The following AP3B1 variants were observed in gnomAD, a reference collection of about 807,000 sequenced individuals.
AP3B1 encodes adaptor related protein complex 3 subunit beta 1, also known as AP-3 complex subunit beta-1.
A neutral mutation model predicts 132.5 loss-of-function variants in AP3B1; 61 were observed. The observed-to-expected ratio is 0.46, with a 90% CI of 0.37 to 0.57. AP3B1 has a LOEUF of 0.57. Ranked by LOEUF, AP3B1 falls within the 20% of genes least tolerant of loss-of-function variation. AP3B1 has a pLI of 0.00. For missense variants in AP3B1, 1,120 were observed against 1,289.4 expected (o/e 0.87, Z 2.01); for synonymous variants, 388 against 438.3 (o/e 0.89, Z 1.43).
At chr5:78,109,895 A>C (rs1190953398) in intron 20 of AP3B1, among the ~76,000 whole-genome samples, 1 of 152,150 alleles carries the variant, frequency 6.6e-6, no homozygotes, top group East Asian at 1.9e-4. Flanking sequence ...TCAATTTCTT[A>C]TGATGTATGT....
chr5:78,134,001 A>T (rs1752792499), intron 15 of AP3B1, among the ~76,000 whole-genome samples: 1 of 151,934 alleles, frequency 6.6e-6, no homozygotes, highest in Non-Finnish European at 1.5e-5. Context: ...AATACAAAAA[A>T]TTAGCCGGGC....
chr5:78,110,565 T>G (rs540591354), intron 19 of AP3B1, among the ~76,000 whole-genome samples: 1 of 152,000 alleles, frequency 6.6e-6, no homozygotes, highest in African/African-American at 2.4e-5. Context: ...CTAAACAATA[T>G]AATCAAAAGC....
chr5:78,247,462 T>C (rs936766783), intron 2 of AP3B1, among the ~76,000 whole-genome samples: 10 of 151,366 alleles, frequency 6.6e-5, no homozygotes, highest in African/African-American at 2.4e-4. Context: ...AGCACTGACG[T>C]CTCTATAATT....
At chr5:78,015,885 A>C (rs979967664) in intron 25 of AP3B1, 2 of 252,718 alleles carry the variant, frequency 7.9e-6, no homozygotes, top group Admixed American at 5.2e-5. Context: ...TAAACTAGTA[A>C]GCTTTTACTT....
At chr5:78,217,313 T>C (rs1474420655) in intron 6 of AP3B1, among the ~76,000 whole-genome samples, 1 of 152,274 alleles carries the variant, frequency 6.6e-6, no homozygotes, top group South Asian at 2.1e-4. Flanking sequence ...GCTCAGAATA[T>C]AGACTCGCTA....
chr5:78,286,412 C>T (rs936462035), intron 1 of AP3B1, among the ~76,000 whole-genome samples: 4 of 152,162 alleles, frequency 2.6e-5, no homozygotes. Flanking sequence ...AAAGAGGCTT[C>T]ACAGTCTTCC....
intron 21 of AP3B1, among the ~76,000 whole-genome samples, chr5:78,090,731 G>A (rs981133742): frequency 6.6e-5 from 10 of 152,266 alleles, no homozygotes; most frequent in African/African-American, 2.4e-4. Context: ...TTACAATGTG[G>A]TCAAGTTTTA....
intron 9 of AP3B1, 53 bp from the exon 10 acceptor site, chr5:78,175,891 T>C (rs1293829641): frequency 3.8e-6 from 5 of 1,300,526 alleles, no homozygotes; most frequent in Non-Finnish European, 4.5e-6. Flanking sequence ...GAAACATCTT[T>C]GAGTAAGCAC....
chr5:78,001,604 A>C (rs934826146), downstream of AP3B1: 2 of 152,238 alleles, frequency 1.3e-5, no homozygotes, highest in African/African-American at 4.8e-5. Context: ...TGAAAATTTA[A>C]ATAATTTTTC....
chr5:78,065,503 C>A (rs1469744513), intron 22 of AP3B1, among the ~76,000 whole-genome samples: 3 of 152,122 alleles, frequency 2.0e-5, no homozygotes, highest in African/African-American at 7.2e-5. Context: ...GCGGTTTGGA[C>A]CCCGGAGGAA....
In AP3B1 at chr5:78,047,316, C is replaced by A. The variant is rs1236233817; in HGVS notation, c.2578-8042G>T. Among the ~76,000 whole-genome samples the A allele has an allele frequency of 1.3e-4, 20 of 152,204 alleles. 1 individual carries two copies. Among genetic ancestry groups the A allele is most frequent in the Admixed American group, 1.2e-3 (19 of 15,288 alleles). ...TGGTTGAACTAATTTACACTCCCACCAACAGTGTAAAAGTGTTCCTATTTC... is the reference window on the plus strand; with the variant it reads ...TGGTTGAACTAATTTACACTCCCACAAACAGTGTAAAAGTGTTCCTATTTC... On this transcript the variant is annotated intron_variant, in intron 22 of 26. Coordinates refer to ENST00000255194, the MANE Select transcript of AP3B1 (RefSeq NM_003664.5).
At chr5:78,122,241 T>C (rs982488652) in intron 17 of AP3B1, among the ~76,000 whole-genome samples, 1 of 152,232 alleles carries the variant, frequency 6.6e-6, no homozygotes, top group Non-Finnish European at 1.5e-5. Flanking sequence ...GCCAATATCA[T>C]ACAGCATGGG....
intron 22 of AP3B1, among the ~76,000 whole-genome samples, chr5:78,059,838 AC>A (rs1480675111): frequency 1.3e-5 from 2 of 152,128 alleles, no homozygotes; most frequent in African/African-American, 4.8e-5. Context: ...CTCCCTCTTT[AC>A]CCCCTTTATT....
chr5:78,084,414 C>T (rs1480881201), intron 22 of AP3B1, among the ~76,000 whole-genome samples: 1 of 149,580 alleles, frequency 6.7e-6, no homozygotes, highest in African/African-American at 2.5e-5. Context: ...GTCCCAGCTA[C>T]TCAGGAGGCT....
chr5:78,086,516 C>T (rs1423263726), intron 22 of AP3B1, among the ~76,000 whole-genome samples: 1 of 152,148 alleles, frequency 6.6e-6, no homozygotes, highest in African/African-American at 2.4e-5. Context: ...AGAACTCTGA[C>T]TTGAACACAG....
intron 2 of AP3B1, among the ~76,000 whole-genome samples, chr5:78,246,065 C>G (rs925119593): frequency 6.6e-6 from 1 of 152,202 alleles, no homozygotes; most frequent in South Asian, 2.1e-4. Flanking sequence ...ATGCCCTCTG[C>G]TAAGCTCTTA....
rs946684528 is a variant in AP3B1, at chr5:78,219,609, A to C, written c.604-3372T>G. On this transcript the variant is annotated intron_variant, in intron 6 of 26. Coordinates refer to ENST00000255194, the MANE Select transcript of AP3B1 (RefSeq NM_003664.5). ...AGGTTTCTGTAATATCTTTTACCTA[A>C]ATAACACTAAAATGTTCTATTTTTA... Among the ~76,000 whole-genome samples, 8 of 152,190 alleles carry C rather than the reference A, an allele frequency of 5.3e-5. No individual in the cohort carries two copies. The South Asian group carries it at 1.7e-3, about 32-fold the overall frequency.
chr5:78,230,514 T>C (rs1452780279), intron 3 of AP3B1, among the ~76,000 whole-genome samples: 1 of 152,146 alleles, frequency 6.6e-6, no homozygotes, highest in Non-Finnish European at 1.5e-5. Context: ...AAAAACAAAA[T>C]CTAAAGCTCT....
At chr5:78,109,616 G>GACTT (rs1260732879) in intron 20 of AP3B1, among the ~76,000 whole-genome samples, 4 of 152,030 alleles carry the variant, frequency 2.6e-5, no homozygotes, top group Non-Finnish European at 5.9e-5. Context: ...CTTTTAACTA[G>GACTT]ACTTGAAATC....
Sources: gnomAD v4.1 joint callset for allele counts (sites outside exome capture counted in the v4.1 genomes callset) on GRCh38, gnomAD v4.1.1 for gene constraint, MANE v1.5 for transcripts, NCBI Gene and HGNC (gene_info 2026-07-23, HGNC 2026-07-21) for gene names.